Variants in FBXO47 observed in about 807,000 individuals in gnomAD.
FBXO47 encodes the protein F-box protein 47, also known as F-box only protein 47.
Under a neutral mutation model 53.9 loss-of-function variants are expected in FBXO47, and 34 were observed. The observed-to-expected ratio is 0.63, with a 90% CI of 0.48 to 0.84. The LOEUF is 0.84. FBXO47 is among the 40% of genes least tolerant of loss of function. FBXO47 has a pLI of 0.00. For missense variants in FBXO47, 485 were observed against 541.3 expected (o/e 0.90, Z 1.03); for synonymous variants, 165 against 181.6 (o/e 0.91, Z 0.73).
chr17:38,963,022 C>G lies in FBXO47; in HGVS notation c.4G>C (p.Ala2Pro), dbSNP rs188451282. Residue 2 changes from alanine to proline, a missense_variant, in exon 2 of 11, where the codon GCA becomes CCA. Physicochemically the swap from Ala to Pro is conservative, Grantham distance 27 (BLOSUM62 -1). Coordinates refer to ENST00000378079, the MANE Select transcript of FBXO47 (RefSeq NM_001008777.3). ...GTGAAATTTGTATTTATTCTGGATG[C>G]CATTCTTCTTCTTGTCTCACAAATT... Reference protein sequence around the residue: MASRINTNFTLI... With the variant: MPSRINTNFTLI... The G allele has an allele frequency of 8.4e-5, 135 of 1,607,686 alleles. 1 individual carries two copies. In the East Asian group the frequency reaches 2.4e-3, roughly 29 times the overall value.
At chr17:38,958,152 A>AC (rs1354477355) in intron 3 of FBXO47, among the ~76,000 whole-genome samples, 1 of 151,962 alleles carries the variant, frequency 6.6e-6, no homozygotes, top group Non-Finnish European at 1.5e-5. Flanking sequence ...TTTTTAAAAA[A>AC]CATTTTTTTT....
intron 6 of FBXO47, 56 bp from the exon 7 acceptor site, chr17:38,945,192 T>C: frequency 1.5e-6 from 2 of 1,308,796 alleles, no homozygotes; most frequent in Non-Finnish European, 2.2e-6. Flanking sequence ...CTGTGCATAT[T>C]GAATAGTGAT....
intron 6 of FBXO47, among the ~76,000 whole-genome samples, chr17:38,946,109 AATAC>A (rs1375705544): frequency 8.1e-6 from 1 of 122,774 alleles, no homozygotes; most frequent in Non-Finnish European, 1.6e-5. Flanking sequence ...TTTATATATA[AATAC>A]ATAAATAAAT....
At chr17:38,941,111 G>A (rs1248373343) in intron 9 of FBXO47, among the ~76,000 whole-genome samples, 1 of 151,568 alleles carries the variant, frequency 6.6e-6, no homozygotes, top group African/African-American at 2.4e-5. Flanking sequence ...CAGCTCCTGA[G>A]TAGCTGAGCT....
chr17:38,954,821 G>A (rs1433490226), intron 5 of FBXO47, 35 bp downstream of exon 5: 1 of 1,254,248 alleles, frequency 8.0e-7, no homozygotes, highest in Non-Finnish European at 1.2e-6. Context: ...AGTTCCAAAG[G>A]TATCCCTTTT....
In FBXO47 at chr17:38,942,920, AC is replaced by A. The variant is rs1424704360; in HGVS notation, c.941-1del. ...CTCTAGAAGCCACTCACGGGGAACC[AC>A]TTTTATTAGAGGAAGAACAATTATT... On this transcript the variant is annotated splice_acceptor_variant, in intron 8 of 10. Transcript: ENST00000378079. LOFTEE classifies it high-confidence loss of function. 1 of 1,602,874 alleles carries A rather than the reference AC, an allele frequency of 6.2e-7. No homozygotes were observed. Among genetic ancestry groups the A allele is most frequent in the Non-Finnish European group, 8.5e-7 (1 of 1,175,934 alleles).
In FBXO47 at chr17:38,943,748, C is replaced by G. The variant is rs372616234; in HGVS notation, c.794-12G>C. ...CCAAACCACCTGTCCTGAATTGAAA[C>G]AAAAACGAGGCTATGACAGAATAGT... On this transcript the variant is annotated splice_polypyrimidine_tract_variant and intron_variant, in intron 7 of 10. Transcript: ENST00000378079. 3.5e-5 allele frequency: 55 copies of G among 1,592,772 alleles called. No individual in the cohort carries two copies. In the South Asian group the frequency reaches 6.3e-4, roughly 18 times the overall value.
intron 6 of FBXO47, among the ~76,000 whole-genome samples, chr17:38,947,282 A>C (rs1052066003): frequency 1.3e-5 from 2 of 151,580 alleles, no homozygotes; most frequent in Non-Finnish European, 2.9e-5. Flanking sequence ...CCTGGGTGAC[A>C]GAGCTAGACT....
intron 7 of FBXO47, among the ~76,000 whole-genome samples, chr17:38,944,092 G>C (rs1904627927): frequency 6.6e-6 from 1 of 152,022 alleles, no homozygotes; most frequent in Admixed American, 6.6e-5. Context: ...TGAGGCACGA[G>C]AATCGCTTGA....
intron 5 of FBXO47, among the ~76,000 whole-genome samples, chr17:38,952,448 A>G (rs1905341861): frequency 6.6e-6 from 1 of 152,212 alleles, no homozygotes; most frequent in African/African-American, 2.4e-5. Flanking sequence ...TAACAAATTT[A>G]CATAAACAAA....
chr17:38,940,968 T>G (rs938198801), intron 9 of FBXO47, among the ~76,000 whole-genome samples: 1 of 151,684 alleles, frequency 6.6e-6, no homozygotes, highest in Non-Finnish European at 1.5e-5. Context: ...CATGAACCAA[T>G]GCACTCAGCC....
chr17:38,945,391 A>G (rs1337292293), intron 6 of FBXO47, among the ~76,000 whole-genome samples: 1 of 152,184 alleles, frequency 6.6e-6, no homozygotes, highest in Non-Finnish European at 1.5e-5. Flanking sequence ...GACATGCTTA[A>G]GCTTACCAGA....
chr17:38,944,881 GCTTC>G, intron 7 of FBXO47, 75 bp downstream of exon 7: 1 of 710,580 alleles, frequency 1.4e-6, no homozygotes, highest in Non-Finnish European at 2.1e-6. Flanking sequence ...TATAATATAT[GCTTC>G]CTAAATATAT....
At chr17:38,949,730 T>C (rs1487654481) in intron 6 of FBXO47, among the ~76,000 whole-genome samples, 1 of 152,188 alleles carries the variant, frequency 6.6e-6, no homozygotes, top group Non-Finnish European at 1.5e-5. Flanking sequence ...TGAAATGGTA[T>C]ATTACTATTT....
rs570573102 is a variant in FBXO47, at chr17:38,960,421, C to T, written c.352+1456G>A. 2.1e-4 allele frequency among the ~76,000 whole-genome samples: 32 copies of T among 151,862 alleles called. No individual in the cohort carries two copies. The South Asian group carries it at 6.7e-3, about 32-fold the overall frequency. On this transcript the variant is annotated intron_variant, in intron 3 of 10. Transcript: ENST00000378079. ...GTTGAAATCCTTACATGAATAAAAC[C>T]ATTTAAAAAAGCAATTAAGATCAAT... is the stretch of plus-strand genomic sequence containing the variant.
chr17:38,954,571 A>G (rs1042967376), intron 5 of FBXO47, among the ~76,000 whole-genome samples: 2 of 152,160 alleles, frequency 1.3e-5, no homozygotes, highest in Admixed American at 6.6e-5. Flanking sequence ...TACAACTAGT[A>G]GAAACTTTGA....
intron 5 of FBXO47, among the ~76,000 whole-genome samples, chr17:38,952,221 G>A (rs1905330375): frequency 6.6e-6 from 1 of 151,980 alleles, no homozygotes; most frequent in Admixed American, 6.6e-5. Context: ...AGCTACTTGA[G>A]AGGCTGACAG....
Position 38,959,626 on chromosome 17 carries a change from G to GTA in FBXO47, c.352+2250_352+2251insTA, listed in dbSNP as rs776539710. ...AAAGAAAATTATTCTTCAAAGCATT[G>GTA]TGTGTGTGTGTGTGTGTGTGTGTGT... On this transcript the variant is annotated intron_variant, in intron 3 of 10. Transcript: ENST00000378079. Among the ~76,000 whole-genome samples, 36 of 128,872 alleles carry GTA rather than the reference G, an allele frequency of 2.8e-4. 1 individual carries two copies. The highest frequency in any genetic ancestry group is 6.4e-5 in the Non-Finnish European group (4 of 62,362). The allele number at this position is 128,872 out of a possible 152,430, so 84.5% of individuals were successfully genotyped here.
intron 5 of FBXO47, 102 bp downstream of exon 5, chr17:38,954,754 G>T: frequency 1.7e-6 from 1 of 601,538 alleles, no homozygotes; most frequent in Non-Finnish European, 2.8e-6. Flanking sequence ...CTCTTTTTAA[G>T]ATTATTATAA....
Sources: allele counts gnomAD v4.1 joint callset (sites outside exome capture counted in the v4.1 genomes callset), GRCh38; gene constraint gnomAD v4.1.1; transcripts MANE v1.5; gene names NCBI Gene and HGNC (gene_info 2026-07-23, HGNC 2026-07-21).